The following RLN2 variants were observed in gnomAD, a reference collection of about 807,000 sequenced individuals.
RLN2 encodes the protein relaxin 2.
RLN2 carries 10 observed loss-of-function variants against 7.3 expected under a neutral mutation model. The ratio of observed to expected loss-of-function variants is 1.36; its 90% CI spans 0.84 to 2.31. The LOEUF (loss-of-function observed/expected upper bound fraction) is 2.31, where lower values mean the gene tolerates loss of function less well. Among genes scored for constraint, RLN2 ranks in the 30% most tolerant of loss-of-function variants. The pLI, the probability that RLN2 is intolerant of heterozygous loss-of-function variation, is 0.00. For synonymous variants in RLN2, 103 were observed against 82.3 expected (o/e 1.25, Z -1.36); for missense variants, 298 against 217.6 (o/e 1.37, Z -2.32).
upstream of RLN2, among the ~76,000 whole-genome samples, chr9:5,305,734 A>G (rs1056380712): frequency 1.3e-5 from 2 of 152,090 alleles, no homozygotes; most frequent in African/African-American, 4.8e-5. Context: ...GGAGACATGC[A>G]GGACATTAGG....
At chr9:5,324,128 C>CA in the RLN2 span, among the ~76,000 whole-genome samples, 14 of 151,434 alleles carry the variant, frequency 9.2e-5, no homozygotes, top group South Asian at 4.2e-4. Context: ...GTTATATGTG[C>CA]AAAAAAAATC....
upstream of RLN2, among the ~76,000 whole-genome samples, chr9:5,309,661 G>A (rs371091211): frequency 2.0e-5 from 3 of 151,896 alleles, no homozygotes; most frequent in Non-Finnish European, 2.9e-5. Flanking sequence ...ACTCAGCACC[G>A]CCCATCCCAG....
At chr9:5,331,067 A>G in the RLN2 span, among the ~76,000 whole-genome samples, 158 of 152,150 alleles carry the variant, frequency 1.0e-3, 2 homozygotes, top group Admixed American at 5.3e-3. Context: ...GAATCTCTGA[A>G]TACACCAATA....
At chr9:5,321,638 C>A in the RLN2 span, among the ~76,000 whole-genome samples, 5 of 150,336 alleles carry the variant, frequency 3.3e-5, no homozygotes, top group African/African-American at 1.2e-4. Context: ...TGGGGGGAAG[C>A]AATGGAGAAA....
chr9:5,323,947 C>A, the RLN2 span, among the ~76,000 whole-genome samples: 1 of 151,830 alleles, frequency 6.6e-6, no homozygotes, highest in Non-Finnish European at 1.5e-5. Flanking sequence ...ACCCAGGAGG[C>A]TGAGGAAGGA....
At chr9:5,337,611 CTAACAGTA>C in the RLN2 span, among the ~76,000 whole-genome samples, 1 of 151,912 alleles carries the variant, frequency 6.6e-6, no homozygotes, top group Non-Finnish European at 1.5e-5. Context: ...TAGCAATTAC[CTAACAGTA>C]TAAGTCTGAA....
rs774064815 is a variant in RLN2, at chr9:5,304,455, C to T, written c.126G>A (p.Ala42=). ...IKLCGRELVR[A]QIAICGMSTW... ...TGCTCATGCCGCAAATGGCAATCTGCGCGCGAACTAATTCGCGGCCGCATA... is the reference window on the plus strand; with the variant it reads ...TGCTCATGCCGCAAATGGCAATCTGTGCGCGAACTAATTCGCGGCCGCATA... The change falls in exon 1 of 2, where the codon GCG becomes GCA. Residue 42 remains alanine, a synonymous_variant. Transcript: ENST00000381627. 56 of 1,613,174 alleles carry T rather than the reference C, an allele frequency of 3.5e-5. No individual in the cohort carries two copies. Among genetic ancestry groups the T allele is most frequent in the Non-Finnish European group, 4.5e-5 (53 of 1,179,818 alleles).
At chr9:5,307,241 T>TGATA (rs577113390), upstream of RLN2, among the ~76,000 whole-genome samples, 2 of 147,028 alleles carry the variant, frequency 1.4e-5, no homozygotes, top group Non-Finnish European at 3.0e-5. Flanking sequence ...GATAGATAGG[T>TGATA]GATAGATAGA....
rs1293561529 is a variant in RLN2 at position 5,301,337 on chromosome 9, C to T, written c.212-893G>A. Among the ~76,000 whole-genome samples, 4 of 152,208 alleles carry T rather than the reference C, an allele frequency of 2.6e-5. No homozygotes were observed. In the South Asian group the frequency reaches 6.2e-4, roughly 24 times the overall value. Reference sequence around the variant, plus strand: ...CAGCTGACATCTTCCTCCATCTTTGCACCCATTCAGCTCAGTTGAACATTC... The same window carrying T: ...CAGCTGACATCTTCCTCCATCTTTGTACCCATTCAGCTCAGTTGAACATTC... On this transcript the variant is annotated intron_variant, in intron 1 of 1. Coordinates refer to ENST00000381627, the MANE Select transcript of RLN2 (RefSeq NM_134441.3).
At chr9:5,335,432 A>G in the RLN2 span, 4 of 1,613,758 alleles carry the variant, frequency 2.5e-6, no homozygotes, top group South Asian at 1.1e-5. Context: ...AAATTCTTCA[A>G]AGCTAAGATT....
rs769156597 is a variant in RLN2 at position 5,300,436 on chromosome 9, G to T, written c.220C>A (p.Pro74Thr). ...TCTGTATCTTTGTTGATGAAGGATG[G>T]CACAATTTCTGTTAAATTTAAAAAA... is the stretch of plus-strand genomic sequence containing the variant. ...QTPRPVAEIV[P>T]SFINKDTETI... Residue 74 changes from proline to threonine, a missense_variant, in exon 2 of 2, where the codon CCA (proline) becomes ACA (threonine). Transcript: ENST00000381627. 1.3e-6 allele frequency: 2 copies of T among 1,595,206 alleles called. No individual in the cohort carries two copies. The highest frequency in any genetic ancestry group is 4.5e-5 in the East Asian group (2 of 44,680).
the RLN2 span, among the ~76,000 whole-genome samples, chr9:5,332,367 T>C: frequency 1.3e-5 from 2 of 152,028 alleles, no homozygotes; most frequent in African/African-American, 4.8e-5. Flanking sequence ...AAAAGATTTT[T>C]AAAAATTGAA....
the RLN2 span, among the ~76,000 whole-genome samples, chr9:5,322,952 C>A: frequency 6.6e-5 from 10 of 151,672 alleles, no homozygotes; most frequent in Admixed American, 6.6e-4. Context: ...AAAAGCACTT[C>A]GCCTCCCCAT....
At chr9:5,335,208 CTA>C in the RLN2 span, 13 of 1,221,462 alleles carry the variant, frequency 1.1e-5, no homozygotes, top group South Asian at 1.0e-4. Flanking sequence ...GTCATCAAGA[CTA>C]TGTGTGAAAA....
chr9:5,311,804 AT>A, the RLN2 span: 17,310 of 505,472 alleles, frequency 0.034, 91 homozygotes, highest in East Asian at 0.062. Context: ...AAAATGCAGA[AT>A]TTTTTTTTTT....
At chr9:5,312,111 T>TG in the RLN2 span, among the ~76,000 whole-genome samples, 12 of 152,132 alleles carry the variant, frequency 7.9e-5, no homozygotes, top group African/African-American at 2.9e-4. Context: ...TGGATTGATG[T>TG]GGGGAAAACA....
Position 5,300,345 on chromosome 9 carries a change from T to G in RLN2, c.311A>C (p.Glu104Ala), listed in dbSNP as rs775944139. The stretch of plus-strand genomic sequence containing the variant: ...TAGCTGTGGTAATGCTGGCTGCATC[T>G]CAGACAGGGTTAACTTCAGCTCCTG... ...LPQELKLTLSEMQPALPQLQQ... is the reference protein window; with the variant it reads ...LPQELKLTLSAMQPALPQLQQ... Residue 104 changes from glutamate (E) to alanine (A), a missense_variant, in exon 2 of 2, where the codon GAG becomes GCG. Physicochemically the swap from Glu to Ala is moderately radical, Grantham distance 107 (BLOSUM62 -1). Transcript: ENST00000381627. The G allele has an allele frequency of 1.2e-6, 2 of 1,613,864 alleles. No homozygotes were observed. Among genetic ancestry groups the G allele is most frequent in the Non-Finnish European group, 1.7e-6 (2 of 1,179,780 alleles).
At chr9:5,335,604 A>C in the RLN2 span, 1 of 1,577,992 alleles carries the variant, frequency 6.3e-7, no homozygotes, top group African/African-American at 1.4e-5. Context: ...ATTTCTGTTA[A>C]GTTTAAAAAA....
At chr9:5,326,504 C>T in the RLN2 span, among the ~76,000 whole-genome samples, 1 of 152,040 alleles carries the variant, frequency 6.6e-6, no homozygotes, top group Non-Finnish European at 1.5e-5. Flanking sequence ...CATCAGAAGC[C>T]AGAGTGTGGG....
Sources: allele counts gnomAD v4.1 joint callset (sites outside exome capture counted in the v4.1 genomes callset), GRCh38; gene constraint gnomAD v4.1.1; transcripts MANE v1.5; gene names NCBI Gene and HGNC (gene_info 2026-07-23, HGNC 2026-07-21).